Variants in CFAP300 observed in about 807,000 individuals in gnomAD.
CFAP300 encodes cilia- and flagella-associated protein 300.
In CFAP300, 32 loss-of-function variants were observed where a neutral mutation model predicts 33.0. The observed-to-expected ratio is 0.97, with a 90% CI of 0.73 to 1.30. CFAP300 has a LOEUF of 1.30. Ranked by LOEUF, CFAP300 falls within the 50% of genes most tolerant of loss-of-function variation. The probability of loss-of-function intolerance (pLI) is 0.00; values close to 1 mark genes in which losing one functional copy is unlikely to be tolerated. For synonymous variants in CFAP300, 102 were observed against 106.8 expected (o/e 0.95, Z 0.28); for missense variants, 356 against 318.1 (o/e 1.12, Z -0.90).
chr11:102,070,708 A>T (rs1565395351), intron 4 of CFAP300, among the ~76,000 whole-genome samples: 2 of 151,934 alleles, frequency 1.3e-5, no homozygotes, highest in Non-Finnish European at 2.9e-5. Context: ...TTTAGCACTA[A>T]TTTTGCTATA....
intron 2 of CFAP300, among the ~76,000 whole-genome samples, chr11:102,051,694 C>T (rs1331524301): frequency 1.3e-5 from 2 of 151,784 alleles, no homozygotes; most frequent in Admixed American, 6.6e-5. Flanking sequence ...CTTTTTTCCC[C>T]TTACACATTT....
intron 3 of CFAP300, among the ~76,000 whole-genome samples, chr11:102,060,323 G>T (rs1434059598): frequency 6.6e-6 from 1 of 150,520 alleles, no homozygotes; most frequent in Non-Finnish European, 1.5e-5. Flanking sequence ...CGCCATGTTG[G>T]CCAGGCTGGT....
chr11:102,059,045 G>A, intron 3 of CFAP300, 90 bp downstream of exon 3: 1 of 724,270 alleles, frequency 1.4e-6, no homozygotes, highest in South Asian at 2.2e-5. Flanking sequence ...TATAAATTGG[G>A]AATGACTCAT....
At chr11:102,053,424 G>A (rs1942002563) in intron 2 of CFAP300, among the ~76,000 whole-genome samples, 1 of 151,960 alleles carries the variant, frequency 6.6e-6, no homozygotes, top group Admixed American at 6.6e-5. Flanking sequence ...GGTGGCGGGT[G>A]CCTATAATCC....
chr11:102,051,547 G>C lies in CFAP300; in HGVS notation c.192+3651G>C, dbSNP rs190295233. Among the ~76,000 whole-genome samples, 584 of 152,186 alleles carry C rather than the reference G, an allele frequency of 3.8e-3. 5 individuals are homozygous for C. The highest frequency in any genetic ancestry group is 0.014 in the Middle Eastern group (4 of 294). The stretch of plus-strand genomic sequence containing the variant: ...CTTAAGGAAGAAAGAATTGATATTG[G>C]ACTAGAAACCATCAGTCTGCCAGAT... On this transcript the variant is annotated intron_variant, in intron 2 of 6. Coordinates refer to ENST00000434758, the MANE Select transcript of CFAP300 (RefSeq NM_032930.3).
intron 2 of CFAP300, among the ~76,000 whole-genome samples, chr11:102,056,553 T>A (rs1198888792): frequency 6.6e-6 from 1 of 152,108 alleles, no homozygotes; most frequent in Admixed American, 6.5e-5. Context: ...GCTCTTGAAA[T>A]TGAGCATCTT....
At chr11:102,079,213 A>G (rs779367564) in intron 5 of CFAP300, among the ~76,000 whole-genome samples, 16 of 152,224 alleles carry the variant, frequency 1.1e-4, no homozygotes, top group Non-Finnish European at 2.1e-4. Flanking sequence ...TGTTTATACC[A>G]TATAACCACC....
Position 102,063,070 on chromosome 11 carries a change from G to T in CFAP300, c.269-3415G>T, listed in dbSNP as rs971025645. On this transcript the variant is annotated intron_variant, in intron 3 of 6. Transcript: ENST00000434758. The stretch of plus-strand genomic sequence containing the variant: ...TGCCTCCATTTCAACAGGCCAGATG[G>T]CCTCCAACCAAAGCCTTGGAGGCAG... Among the ~76,000 whole-genome samples, 24 of 152,342 alleles carry T rather than the reference G, an allele frequency of 1.6e-4. 2 individuals carry two copies. In the East Asian group the frequency reaches 4.4e-3, roughly 28 times the overall value.
At chr11:102,048,979 G>T (rs553242651) in intron 2 of CFAP300, among the ~76,000 whole-genome samples, 3 of 152,286 alleles carry the variant, frequency 2.0e-5, no homozygotes, top group Admixed American at 1.3e-4. Flanking sequence ...CTGGGGATAC[G>T]AGGAGGAACA....
chr11:102,083,210 G>C lies in CFAP300; in HGVS notation c.*11G>C. ...GGAGACATGTCTTAATGTTCTTTCA[G>C]ATTATGTACCTCTACTATTTTGTAT... On this transcript the variant is annotated 3_prime_UTR_variant, in exon 7 of 7. Transcript: ENST00000434758. 6.8e-7 allele frequency: 1 copy of C among 1,461,628 alleles called. No homozygotes were observed. Among genetic ancestry groups the C allele is most frequent in the Non-Finnish European group, 9.1e-7 (1 of 1,094,158 alleles). 90.5% of individuals were successfully genotyped at this position (1,461,628 alleles called of 1,614,324 possible). A position where few individuals can be genotyped will look rare whatever the true frequency, so the allele number is the denominator to read the frequency against.
intron 5 of CFAP300, among the ~76,000 whole-genome samples, chr11:102,076,968 A>G (rs1188233847): frequency 6.6e-6 from 1 of 152,210 alleles, no homozygotes; most frequent in Admixed American, 6.5e-5. Context: ...TTTCAGAAAA[A>G]GCATACACAT....
intron 4 of CFAP300, among the ~76,000 whole-genome samples, chr11:102,075,624 A>G (rs1430447838): frequency 6.6e-6 from 1 of 152,224 alleles, no homozygotes; most frequent in Non-Finnish European, 1.5e-5. Flanking sequence ...GAAAAAAGAA[A>G]TAAAGTGGAA....
At chr11:102,049,117 A>C (rs564462765) in intron 2 of CFAP300, among the ~76,000 whole-genome samples, 1 of 152,350 alleles carries the variant, frequency 6.6e-6, no homozygotes, top group African/African-American at 2.4e-5. Flanking sequence ...AGAAAGGAGA[A>C]CATTAGGTAG....
rs981970664 is a variant in CFAP300, at chr11:102,048,388, A to T, written c.192+492A>T. ...TGCAGGCCACCACGTCCAGCTAATT[A>T]AAAAAAATTTTTTTAGAGGCAGAGT... On this transcript the variant is annotated intron_variant, in intron 2 of 6. Coordinates refer to ENST00000434758, the MANE Select transcript of CFAP300 (RefSeq NM_032930.3). Among the ~76,000 whole-genome samples, 9 of 137,392 alleles carry T rather than the reference A, an allele frequency of 6.6e-5. No homozygotes were observed. The East Asian group carries it at 1.3e-3, about 19-fold the overall frequency. The allele number at this position is 137,392 out of a possible 152,430, so 90.1% of individuals were successfully genotyped here. A position where few individuals can be genotyped will look rare whatever the true frequency, so the allele number is the denominator to read the frequency against.
chr11:102,080,947 C>T (rs77619633), intron 5 of CFAP300, among the ~76,000 whole-genome samples: 2,096 of 152,226 alleles, frequency 0.014, 21 homozygotes, highest in Middle Eastern at 0.034. Flanking sequence ...GTCTCTGTAG[C>T]CTGGGAAGGT....
chr11:102,047,918 T>C, intron 2 of CFAP300, 22 bp downstream of exon 2: 1 of 1,611,038 alleles, frequency 6.2e-7, no homozygotes, highest in Non-Finnish European at 8.5e-7. Flanking sequence ...GGTCGGAGAG[T>C]TCCCTGGGTC....
intron 4 of CFAP300, among the ~76,000 whole-genome samples, chr11:102,068,862 A>G (rs1400948249): frequency 6.6e-6 from 1 of 152,170 alleles, no homozygotes; most frequent in Non-Finnish European, 1.5e-5. Context: ...ACTTCTCCTT[A>G]CCAAGGATTG....
At chr11:102,069,818 T>A (rs1040192725) in intron 4 of CFAP300, among the ~76,000 whole-genome samples, 1 of 151,460 alleles carries the variant, frequency 6.6e-6, no homozygotes, top group African/African-American at 2.4e-5. Context: ...AGAAAAAAAA[T>A]TAGCTGGTCA....
chr11:102,072,489 G>T (rs1565396003), intron 4 of CFAP300, among the ~76,000 whole-genome samples: 1 of 151,600 alleles, frequency 6.6e-6, no homozygotes, highest in African/African-American at 2.4e-5. Context: ...TAGGACTAGA[G>T]ACAGGGTTTC....
Sources: allele counts gnomAD v4.1 joint callset (sites outside exome capture counted in the v4.1 genomes callset), GRCh38; gene constraint gnomAD v4.1.1; transcripts MANE v1.5; gene names NCBI Gene and HGNC (gene_info 2026-07-23, HGNC 2026-07-21).